The following NOP14 variants were observed in gnomAD, a reference collection of about 807,000 sequenced individuals.
NOP14 encodes the protein nucleolar protein 14.
A neutral mutation model predicts 101.6 loss-of-function variants in NOP14; 57 were observed. The ratio of observed to expected loss-of-function variants is 0.56; its 90% CI spans 0.45 to 0.70. The LOEUF is 0.70. Ranked by LOEUF, NOP14 falls within the 30% of genes least tolerant of loss-of-function variation. The probability of loss-of-function intolerance (pLI) is 0.00; values close to 1 mark genes in which losing one functional copy is unlikely to be tolerated. For synonymous variants in NOP14, 428 were observed against 424.0 expected, an observed-to-expected ratio of 1.01 and a Z score of -0.12; for missense variants, 1,134 against 1,075.5, an observed-to-expected ratio of 1.05 and a Z score of -0.76.
intron 1 of NOP14, among the ~76,000 whole-genome samples, chr4:2,960,731 A>G (rs1184996231): frequency 2.5e-5 from 2 of 80,544 alleles, no homozygotes; most frequent in Non-Finnish European, 5.7e-5. Context: ...TAATCACATT[A>G]ATATTAATAT....
chr4:2,957,493 TG>T, intron 2 of NOP14, 112 bp downstream of exon 2: 1 of 1,304,806 alleles, frequency 7.7e-7, no homozygotes, highest in Non-Finnish European at 1.1e-6. Flanking sequence ...GGCTATCCCC[TG>T]GACCTTCCGA....
At position 2,938,516 on chromosome 4, in the gene NOP14, T is replaced by A. The variant is rs1041773301; in HGVS notation, c.*315A>T. The A allele has an allele frequency of 5.6e-4, 182 of 323,840 alleles. 1 individual carries two copies. Among genetic ancestry groups the A allele is most frequent in the South Asian group, 1.3e-3 (48 of 35,712 alleles). 20.1% of individuals were successfully genotyped at this position (323,840 alleles called of 1,614,324 possible). ...CAAAACTCCGTCTCAAAAAAAAAAA[T>A]TTTTTTTTAAGCGACACAGTCTTGC... On this transcript the variant is annotated 3_prime_UTR_variant, in exon 18 of 18. Transcript: ENST00000416614.
chr4:2,947,805 A>AG (rs1560300455), intron 9 of NOP14, 194 bp from the exon 10 acceptor site: 1 of 606,198 alleles, frequency 1.6e-6, no homozygotes, highest in Non-Finnish European at 2.9e-6. Flanking sequence ...TAGAAGGTGT[A>AG]GGGGGGAGAA....
Position 2,950,208 on chromosome 4 carries a change from T to C in NOP14, c.1008A>G (p.Gly336=). 6.2e-7 allele frequency: 1 copy of C among 1,613,532 alleles called. No homozygotes were observed. Among genetic ancestry groups the C allele is most frequent in the Non-Finnish European group, 8.5e-7 (1 of 1,180,000 alleles). The change falls in exon 8 of 18, where the codon GGA becomes GGG. Residue 336 remains glycine, a synonymous_variant. Coordinates refer to ENST00000416614, the MANE Select transcript of NOP14 (RefSeq NM_001291978.2). ...DDRRLLSYKD[G]KMNVEEDVQE... Reference sequence around the variant, plus strand: ...GGACATCTTCCTCGACATTCATCTTTCCATCCTACCAAGAGCGTGGAAACC... The same window carrying C: ...GGACATCTTCCTCGACATTCATCTTCCCATCCTACCAAGAGCGTGGAAACC...
rs905961114 is a variant in NOP14 at position 2,954,494 on chromosome 4, T to A, written c.542A>T (p.Glu181Val). The A allele has an allele frequency of 6.2e-6, 10 of 1,614,220 alleles. No homozygotes were observed. Among genetic ancestry groups the A allele is most frequent in the Non-Finnish European group, 8.5e-6 (10 of 1,180,024 alleles). The change falls in exon 4 of 18, where the codon GAG becomes GTG. Residue 181 changes from glutamate (E) to valine (V), a missense_variant. Coordinates refer to ENST00000416614, the MANE Select transcript of NOP14 (RefSeq NM_001291978.2). ...CCGGGACTTCGGTTTCTCCCGCTCCTCGCCTTCCTGTTGAGTCTTCTTGTG... is the reference window on the plus strand; with the variant it reads ...CCGGGACTTCGGTTTCTCCCGCTCCACGCCTTCCTGTTGAGTCTTCTTGTG... ...LLHKKTQQEG[E>V]EREKPKSRKE...
intron 14 of NOP14, 118 bp downstream of exon 14, chr4:2,942,074 A>C: frequency 9.3e-7 from 1 of 1,069,716 alleles, no homozygotes; most frequent in Non-Finnish European, 1.4e-6. Context: ...GCCTCCATCA[A>C]ACCAAACGGC....
At chr4:2,945,467 T>C (rs1714554401) in intron 11 of NOP14, among the ~76,000 whole-genome samples, 1 of 152,208 alleles carries the variant, frequency 6.6e-6, no homozygotes, top group Admixed American at 6.5e-5. Flanking sequence ...ACAATGGTTA[T>C]AGACACGGGC....
chr4:2,943,122 G>A (rs1022642328), intron 13 of NOP14, among the ~76,000 whole-genome samples: 6 of 152,206 alleles, frequency 3.9e-5, no homozygotes, highest in South Asian at 2.1e-4. Flanking sequence ...GTGGGCGGCC[G>A]CGCCCCTCTG....
At chr4:2,945,331 G>A (rs1714544082) in intron 11 of NOP14, 102 bp from the exon 12 acceptor site, 2 of 878,736 alleles carry the variant, frequency 2.3e-6, no homozygotes, top group East Asian at 5.6e-5. Context: ...CTGGCGAGGA[G>A]AGGGTGCATC....
intron 1 of NOP14, among the ~76,000 whole-genome samples, chr4:2,959,486 A>C (rs371718980): frequency 1.3e-5 from 2 of 152,090 alleles, no homozygotes; most frequent in East Asian, 1.9e-4. Flanking sequence ...CCAGCTACTC[A>C]GGAGGCTGAG....
chr4:2,939,044 CAG>C (rs912821654), intron 17 of NOP14, 114 bp from the exon 18 acceptor site: 134 of 1,484,270 alleles, frequency 9.0e-5, no homozygotes, highest in Admixed American at 6.6e-4. Flanking sequence ...TCAGTTCAAA[CAG>C]GGGGAAGTGA....
intron 8 of NOP14, among the ~76,000 whole-genome samples, chr4:2,949,431 C>T (rs2109304092): frequency 6.6e-6 from 1 of 152,292 alleles, no homozygotes; most frequent in South Asian, 2.1e-4. Context: ...TCTCAAACTC[C>T]AAGGCTCAAG....
chr4:2,952,232 C>A lies in NOP14; in HGVS notation c.870+43G>T. The A allele has an allele frequency of 1.9e-6, 3 of 1,600,618 alleles. No homozygotes were observed. The South Asian group carries it at 3.3e-5, about 18-fold the overall frequency. The stretch of plus-strand genomic sequence containing the variant: ...AAAATGGAGCAGAAGGGGCTGTGGA[C>A]GGACAGCAGCACAGCCCTGCTCCTG... On this transcript the variant is annotated intron_variant, in intron 6 of 17. Coordinates refer to ENST00000416614, the MANE Select transcript of NOP14 (RefSeq NM_001291978.2).
chr4:2,956,862 CAAAA>C, intron 2 of NOP14, 51 bp from the exon 3 acceptor site: 1 of 1,124,452 alleles, frequency 8.9e-7, no homozygotes, highest in Non-Finnish European at 1.2e-6. Context: ...CATTTCACAG[CAAAA>C]AAAAAAAGAT....
In NOP14 at chr4:2,946,556, C is replaced by T. The variant is rs1245483046; in HGVS notation, c.1500-9G>A. 1 of 1,613,748 alleles carries T rather than the reference C, an allele frequency of 6.2e-7. No individual in the cohort carries two copies. Among genetic ancestry groups the T allele is most frequent in the Non-Finnish European group, 8.5e-7 (1 of 1,179,864 alleles). ...AAAGATGATATAAGTGCCTGTTAAG[C>T]AGAAATGTAAAGTCAGGAGAGAATG... is the stretch of plus-strand genomic sequence containing the variant. On this transcript the variant is annotated splice_polypyrimidine_tract_variant and intron_variant, in intron 10 of 17. Transcript: ENST00000416614.
At position 2,939,176 on chromosome 4, in the gene NOP14, C is replaced by T. The variant is rs766826974; in HGVS notation, c.2474+12G>A. On this transcript the variant is annotated intron_variant, in intron 17 of 17. Coordinates refer to ENST00000416614, the MANE Select transcript of NOP14 (RefSeq NM_001291978.2). ...ACACCACAATCGTGTCGCACACACACGTCCCCCTCACCGTTCCATGATTTC... is the reference window on the plus strand; with the variant it reads ...ACACCACAATCGTGTCGCACACACATGTCCCCCTCACCGTTCCATGATTTC... 1.1e-4 allele frequency: 185 copies of T among 1,613,616 alleles called. No individual in the cohort carries two copies. Among genetic ancestry groups the T allele is most frequent in the South Asian group, 1.2e-4 (11 of 91,070 alleles).
chr4:2,939,491 G>T, intron 16 of NOP14, 36 bp downstream of exon 16: 1 of 1,599,468 alleles, frequency 6.3e-7, no homozygotes, highest in Non-Finnish European at 8.6e-7. Flanking sequence ...TGAGCCCACA[G>T]CCCTGGCCTC....
chr4:2,946,472 C>G lies in NOP14; in HGVS notation c.1575G>C (p.Met525Ile). ...DAIKFVLRDA[M>I]HEMEEMIETK... is the part of the protein sequence containing the mutation. ...TCTCAATCATTTCTTCCATCTCATG[C>G]ATCGCATCTCGGAGAACAAATTTGA... The change falls in exon 11 of 18, where the codon ATG (methionine) becomes ATC (isoleucine). Residue 525 changes from methionine (M) to isoleucine (I), a missense_variant. Transcript: ENST00000416614. The G allele has an allele frequency of 6.2e-7, 1 of 1,614,232 alleles. No homozygotes were observed. Among genetic ancestry groups the G allele is most frequent in the Non-Finnish European group, 8.5e-7 (1 of 1,180,030 alleles).
In NOP14 at chr4:2,939,666, G is replaced by A. The variant is rs114059364; in HGVS notation, c.2200-21C>T. On this transcript the variant is annotated intron_variant, in intron 15 of 17. Coordinates refer to ENST00000416614, the MANE Select transcript of NOP14 (RefSeq NM_001291978.2). ...AGCTCCTGAAAAACACGAAATCCCC[G>A]ACTCTGCGATGACTCACCTGCTGCG... The A allele has an allele frequency of 1.0e-3, 1,620 of 1,578,382 alleles. 7 individuals carry two copies. The African/African-American group carries it at 0.018, about 17-fold the overall frequency.
Sources: allele counts gnomAD v4.1 joint callset (sites outside exome capture counted in the v4.1 genomes callset), GRCh38; gene constraint gnomAD v4.1.1; transcripts MANE v1.5; gene names NCBI Gene and HGNC (gene_info 2026-07-23, HGNC 2026-07-21).